CIROZ: variants seen among roughly 807,000 people sequenced by gnomAD.
The protein encoded by CIROZ is ciliated left-right organizer ZP-N domains-containing protein.
chr1:10,975,407 GAAAAAAAAAAAAA>G, the CIROZ span, among the ~76,000 whole-genome samples: 1 of 78,782 alleles, frequency 1.3e-5, no homozygotes, highest in Non-Finnish European at 2.9e-5. Context: ...CTCTGTCTCA[GAAAAAAAAAAAAA>G]AAAAAAAAAA....
At chr1:10,976,586 G>A in the CIROZ span, among the ~76,000 whole-genome samples, 5 of 151,334 alleles carry the variant, frequency 3.3e-5, no homozygotes, top group South Asian at 2.1e-4. Context: ...TCCTGACCTC[G>A]TGATCCACCC....
the CIROZ span, chr1:10,964,416 G>A: frequency 7.9e-6 from 8 of 1,013,540 alleles, no homozygotes; most frequent in Non-Finnish European, 1.1e-5. Context: ...GATGGGAAAC[G>A]AGACCAAGGT....
chr1:10,947,889 A>AC, the CIROZ span: 1,057 of 1,612,076 alleles, frequency 6.6e-4, 1 homozygote, highest in Admixed American at 9.5e-4. Flanking sequence ...CGTGTGTGCA[A>AC]CCCCCCACTC....
the CIROZ span, among the ~76,000 whole-genome samples, chr1:10,972,897 G>A: frequency 2.0e-5 from 3 of 150,668 alleles, no homozygotes; most frequent in Admixed American, 2.0e-4. Context: ...GACCAGCCTG[G>A]GCAACATAGC....
the CIROZ span, among the ~76,000 whole-genome samples, chr1:10,976,630 G>A: frequency 6.6e-6 from 1 of 150,926 alleles, no homozygotes; most frequent in Non-Finnish European, 1.5e-5. Context: ...GATTAGAAGC[G>A]TGAGCCACCG....
At chr1:10,966,279 C>T in the CIROZ span, 1 of 1,422,034 alleles carries the variant, frequency 7.0e-7, no homozygotes, top group Non-Finnish European at 9.2e-7. Context: ...GCAGTGTCTC[C>T]TTACTTGATA....
the CIROZ span, chr1:10,976,130 C>T: frequency 6.5e-7 from 1 of 1,527,664 alleles, no homozygotes; most frequent in East Asian, 2.4e-5. Context: ...AGCCTGATGC[C>T]AACCATAAAA....
chr1:10,955,713 G>A, the CIROZ span, among the ~76,000 whole-genome samples: 501 of 151,934 alleles, frequency 3.3e-3, 2 homozygotes, highest in African/African-American at 0.011. Context: ...GCGTGGTGGC[G>A]GGTGCCTGTA....
At chr1:10,950,695 A>C in the CIROZ span, among the ~76,000 whole-genome samples, 2 of 152,250 alleles carry the variant, frequency 1.3e-5, no homozygotes, top group Non-Finnish European at 2.9e-5. Flanking sequence ...GATGTTGCTA[A>C]GTGTCTCCTG....
chr1:10,973,880 G>A, the CIROZ span, among the ~76,000 whole-genome samples: 1 of 152,120 alleles, frequency 6.6e-6, no homozygotes, highest in African/African-American at 2.4e-5. Flanking sequence ...GCCTTCCCGG[G>A]TGCAGCGGCA....
chr1:10,958,490 T>C, the CIROZ span, among the ~76,000 whole-genome samples: 1 of 152,130 alleles, frequency 6.6e-6, no homozygotes, highest in East Asian at 1.9e-4. Flanking sequence ...GGGTCCCCTC[T>C]TCAAGATTGT....
the CIROZ span, among the ~76,000 whole-genome samples, chr1:10,959,549 C>T: frequency 3.9e-5 from 6 of 152,154 alleles, no homozygotes; most frequent in African/African-American, 7.2e-5. The surrounding 1 kb of genome is among the most constrained non-coding windows in gnomAD (Gnocchi z 4.3). Context: ...GTTGTGGCAC[C>T]GGACAGAGTC....
chr1:10,979,264 G>T, the CIROZ span, among the ~76,000 whole-genome samples: 1 of 152,096 alleles, frequency 6.6e-6, no homozygotes, highest in African/African-American at 2.4e-5. Context: ...AAAATGCTGG[G>T]ATTACAGGTG....
the CIROZ span, among the ~76,000 whole-genome samples, chr1:10,975,367 T>C: frequency 1.4e-5 from 2 of 141,128 alleles, no homozygotes; most frequent in Admixed American, 1.6e-4. Flanking sequence ...GTTGTGCCAC[T>C]GCACTCCAGC....
chr1:10,951,745 A>AAAAAAAAAAATATATATAT, the CIROZ span, among the ~76,000 whole-genome samples: 1 of 119,206 alleles, frequency 8.4e-6, no homozygotes, highest in African/African-American at 3.6e-5. Context: ...AAAAAAAAAA[A>AAAAAAAAAAATATATATAT]ATATATATAT....
At chr1:10,955,844 C>CAAAAAA in the CIROZ span, among the ~76,000 whole-genome samples, 1 of 98,438 alleles carries the variant, frequency 1.0e-5, no homozygotes, top group Non-Finnish European at 2.3e-5. Context: ...AACTCCATCT[C>CAAAAAA]AAAAAAAAAA....
the CIROZ span, among the ~76,000 whole-genome samples, chr1:10,973,681 C>T: frequency 1.3e-5 from 2 of 152,118 alleles, no homozygotes; most frequent in African/African-American, 4.8e-5. Flanking sequence ...CCCGCCCCTT[C>T]TGAGTTGGGA....
the CIROZ span, among the ~76,000 whole-genome samples, chr1:10,956,393 T>C: frequency 0.018 from 2,756 of 152,152 alleles, 102 homozygotes; most frequent in African/African-American, 0.062. Context: ...CTCCCGTCTC[T>C]GTTCTCAGAG....
At chr1:10,951,640 C>A in the CIROZ span, among the ~76,000 whole-genome samples, 2 of 149,136 alleles carry the variant, frequency 1.3e-5, no homozygotes, top group South Asian at 4.3e-4. Flanking sequence ...CAGGAGGATC[C>A]CTTGAGCCCA....
Sources: gnomAD v4.1 joint callset for allele counts (sites outside exome capture counted in the v4.1 genomes callset) on GRCh38, gnomAD v4.1.1 for gene constraint, Gnocchi (gnomAD v3.1) non-coding constraint, MANE v1.5 for transcripts, NCBI Gene and HGNC (gene_info 2026-07-23, HGNC 2026-07-21) for gene names.